The following CDH18 variants were observed in gnomAD, a reference collection of about 807,000 sequenced individuals.
CDH18 encodes the protein cadherin-18.
Under a neutral mutation model 67.9 loss-of-function variants are expected in CDH18, and 31 were observed. The ratio of observed to expected loss-of-function variants is 0.46; its 90% CI spans 0.34 to 0.62. The LOEUF is 0.62. Among genes scored for constraint, CDH18 ranks in the 20% least tolerant of loss-of-function variants. CDH18 has a pLI of 0.01. For synonymous variants in CDH18, 362 were observed against 347.2 expected (o/e 1.04, Z -0.48); for missense variants, 890 against 975.5 (o/e 0.91, Z 1.17).
At chr5:19,999,240 A>G (rs867143610) in intron 2 of CDH18, among the ~76,000 whole-genome samples, 25 of 151,934 alleles carry the variant, frequency 1.6e-4, no homozygotes, top group Middle Eastern at 3.4e-3. Flanking sequence ...ACACACACGC[A>G]CACACACTTA....
chr5:20,083,291 G>C (rs1340183119), intron 2 of CDH18, among the ~76,000 whole-genome samples: 3 of 152,178 alleles, frequency 2.0e-5, no homozygotes, highest in Non-Finnish European at 4.4e-5. Flanking sequence ...AACTTGCAAA[G>C]TAAGACTCTT....
intron 1 of CDH18, among the ~76,000 whole-genome samples, chr5:20,391,818 T>C (rs1307957518): frequency 6.6e-6 from 1 of 152,024 alleles, no homozygotes; most frequent in Non-Finnish European, 1.5e-5. Flanking sequence ...AAATTAGCCA[T>C]TTTTTATACC....
At chr5:19,750,813 A>G (rs1181315806) in intron 3 of CDH18, among the ~76,000 whole-genome samples, 1 of 142,776 alleles carries the variant, frequency 7.0e-6, no homozygotes, top group Admixed American at 6.9e-5. Flanking sequence ...AGGGCATTGT[A>G]GCAGGGTCTG....
intron 5 of CDH18, among the ~76,000 whole-genome samples, chr5:19,622,795 T>A (rs1259254172): frequency 6.6e-6 from 1 of 152,112 alleles, no homozygotes; most frequent in Non-Finnish European, 1.5e-5. Context: ...CCTGGACCCA[T>A]CCTTGAACCT....
rs117255089 is a variant in CDH18 at position 19,820,429 on chromosome 5, C to T, written c.228+18330G>A. On this transcript the variant is annotated intron_variant, in intron 3 of 12. Coordinates refer to ENST00000382275, the MANE Select transcript of CDH18 (RefSeq NM_004934.5). ...GGCAAAATATCCTGGGCCATAGGTG[C>T]CACAACAGCTACACACCAATGGCAC... 1.1e-3 allele frequency among the ~76,000 whole-genome samples: 162 copies of T among 152,214 alleles called. 1 individual carries two copies. The East Asian group carries it at 0.025, about 24-fold the overall frequency.
rs16887944 is a variant in CDH18, at chr5:20,184,069, G to A, written c.-518+71375C>T. ...GGAACAAATGAGACAGAACTCCAGG[G>A]CACTGAAATAGTGTAATGCTATGAA... On this transcript the variant is annotated intron_variant, in intron 2 of 14. Transcript: ENST00000507958. Among the ~76,000 whole-genome samples, 764 of 152,068 alleles carry A rather than the reference G, an allele frequency of 5.0e-3. 10 individuals are homozygous for A. Among genetic ancestry groups the A allele is most frequent in the African/African-American group, 0.017 (697 of 41,510 alleles).
At chr5:20,242,722 T>C (rs537308531) in intron 2 of CDH18, among the ~76,000 whole-genome samples, 1 of 148,566 alleles carries the variant, frequency 6.7e-6, no homozygotes, top group South Asian at 2.1e-4. Context: ...AAGCTTTTTT[T>C]ACAGTTGTGT....
chr5:19,784,391 G>A (rs1004249308), intron 3 of CDH18, among the ~76,000 whole-genome samples: 4 of 152,184 alleles, frequency 2.6e-5, no homozygotes, highest in South Asian at 4.1e-4. Flanking sequence ...CTATCTTTCC[G>A]ATATTGGGCA....
At position 20,172,211 on chromosome 5, in the gene CDH18, T is replaced by TAC. The variant is rs1214881555; in HGVS notation, c.-518+83232_-518+83233insGT. The stretch of plus-strand genomic sequence containing the variant: ...GTGTGTATATATATATATATATATA[T>TAC]ATATATATATATGTATATATATATA... On this transcript the variant is annotated intron_variant, in intron 2 of 14. Coordinates refer to the CDH18 transcript ENST00000507958. Among the ~76,000 whole-genome samples, 51 of 53,700 alleles carry TAC rather than the reference T, an allele frequency of 9.5e-4. 4 individuals are homozygous for TAC. The highest frequency in any genetic ancestry group is 3.8e-3 in the African/African-American group (47 of 12,318). The allele number at this position is 53,700 out of a possible 152,430, so 35.2% of individuals were successfully genotyped here. A position where few individuals can be genotyped will look rare whatever the true frequency, so the allele number is the denominator to read the frequency against.
chr5:20,358,493 T>C (rs1481954201), intron 1 of CDH18, among the ~76,000 whole-genome samples: 1 of 152,196 alleles, frequency 6.6e-6, no homozygotes, highest in Non-Finnish European at 1.5e-5. Flanking sequence ...TACATCCTTA[T>C]GCATTATTCA....
At chr5:20,313,861 C>A (rs1443025988) in intron 1 of CDH18, among the ~76,000 whole-genome samples, 1 of 152,000 alleles carries the variant, frequency 6.6e-6, no homozygotes, top group Non-Finnish European at 1.5e-5. Flanking sequence ...ATGTAATTAT[C>A]TTTCAAATTT....
intron 2 of CDH18, among the ~76,000 whole-genome samples, chr5:20,174,698 G>GA (rs1196634963): frequency 6.6e-6 from 1 of 151,976 alleles, no homozygotes; most frequent in Non-Finnish European, 1.5e-5. Context: ...TACTTCCAAT[G>GA]AAAAATACAA....
intron 3 of CDH18, among the ~76,000 whole-genome samples, chr5:19,748,896 T>C (rs1166451460): frequency 9.9e-5 from 15 of 152,092 alleles, no homozygotes; most frequent in Admixed American, 9.8e-4. Flanking sequence ...TTGACAGGAA[T>C]CACAGAGTAA....
At chr5:20,049,547 A>G (rs1317417192) in intron 2 of CDH18, among the ~76,000 whole-genome samples, 1 of 151,806 alleles carries the variant, frequency 6.6e-6, no homozygotes, top group African/African-American at 2.4e-5. Flanking sequence ...CAATATAGCA[A>G]GTTTTAGAGT....
chr5:19,814,167 T>A, intron 3 of CDH18, among the ~76,000 whole-genome samples: 1 of 146,380 alleles, frequency 6.8e-6, no homozygotes, highest in Middle Eastern at 3.4e-3. Flanking sequence ...TATTGAGACT[T>A]TATTTATGTT....
chr5:20,457,552 T>C (rs1433335708), intron 1 of CDH18, among the ~76,000 whole-genome samples: 1 of 152,158 alleles, frequency 6.6e-6, no homozygotes, highest in Non-Finnish European at 1.5e-5. Context: ...AACTGTGCTT[T>C]GAACCCCGAT....
At chr5:19,537,726 A>G (rs556285737) in intron 9 of CDH18, among the ~76,000 whole-genome samples, 1 of 150,764 alleles carries the variant, frequency 6.6e-6, no homozygotes, top group Admixed American at 6.6e-5. Flanking sequence ...AATTTTCCAT[A>G]ATGCAATTAT....
At chr5:20,360,976 A>C (rs913178744) in intron 1 of CDH18, among the ~76,000 whole-genome samples, 1 of 152,126 alleles carries the variant, frequency 6.6e-6, no homozygotes, top group African/African-American at 2.4e-5. Context: ...AAGTGATTTT[A>C]TTTTAATACA....
At chr5:20,206,714 A>G (rs1374466080) in intron 2 of CDH18, among the ~76,000 whole-genome samples, 1 of 152,012 alleles carries the variant, frequency 6.6e-6, no homozygotes, top group East Asian at 1.9e-4. Flanking sequence ...ATCTATAAAC[A>G]TGATACATCA....
Sources: allele counts gnomAD v4.1 joint callset (sites outside exome capture counted in the v4.1 genomes callset), GRCh38; gene constraint gnomAD v4.1.1; transcripts MANE v1.5; gene names NCBI Gene and HGNC (gene_info 2026-07-23, HGNC 2026-07-21).